The following GRIA1 variants were observed in gnomAD, a reference collection of about 807,000 sequenced individuals.
GRIA1 encodes the protein glutamate ionotropic receptor AMPA type subunit 1, also known as glutamate receptor 1.
A neutral mutation model predicts 99.2 loss-of-function variants in GRIA1; 31 were observed. That is an observed-to-expected ratio of 0.31 (90% CI 0.23 to 0.42). The LOEUF (loss-of-function observed/expected upper bound fraction) is 0.42, where lower values mean the gene tolerates loss of function less well. Ranked by LOEUF, GRIA1 falls within the 10% of genes least tolerant of loss-of-function variation. GRIA1 has a pLI of 1.00. For missense variants in GRIA1, 782 were observed against 1,157.5 expected, an observed-to-expected ratio of 0.68 and a Z score of 4.71; for synonymous variants, 438 against 432.4, an observed-to-expected ratio of 1.01 and a Z score of -0.16.
At chr5:153,600,259 G>T (rs951547284) in intron 2 of GRIA1, among the ~76,000 whole-genome samples, 3 of 151,902 alleles carry the variant, frequency 2.0e-5, no homozygotes, top group Admixed American at 6.6e-5. Flanking sequence ...GGGCGTGGTG[G>T]CGGGCGCCTG....
chr5:153,779,723 A>C (rs1163320310), intron 13 of GRIA1, among the ~76,000 whole-genome samples: 5 of 151,994 alleles, frequency 3.3e-5, no homozygotes, highest in African/African-American at 9.7e-5. Context: ...CTACCACACC[A>C]AGCTAATTTT....
chr5:153,803,017 G>A (rs760284382), intron 15 of GRIA1, among the ~76,000 whole-genome samples: 3 of 152,136 alleles, frequency 2.0e-5, no homozygotes, highest in African/African-American at 7.2e-5. Flanking sequence ...TGTAGCTAAC[G>A]GGAACTGGAG....
At chr5:153,698,767 C>G (rs1456965102) in intron 9 of GRIA1, 100 bp from the exon 10 acceptor site, 3 of 761,586 alleles carry the variant, frequency 3.9e-6, no homozygotes, top group African/African-American at 3.4e-5. Flanking sequence ...AGAGCCTTCC[C>G]CAGTGTTAAC....
intron 2 of GRIA1, among the ~76,000 whole-genome samples, chr5:153,552,644 A>T (rs377088202): frequency 2.6e-5 from 4 of 152,104 alleles, no homozygotes; most frequent in African/African-American, 9.6e-5. Flanking sequence ...AGATCAGTTC[A>T]TCTAAGAACC....
intron 7 of GRIA1, among the ~76,000 whole-genome samples, chr5:153,685,091 A>C (rs1486502016): frequency 6.6e-6 from 1 of 152,222 alleles, no homozygotes; most frequent in African/African-American, 2.4e-5. Context: ...GCTTCCTTTT[A>C]AGCCATTTGA....
At chr5:153,539,993 G>A (rs1758916925) in intron 2 of GRIA1, among the ~76,000 whole-genome samples, 1 of 152,218 alleles carries the variant, frequency 6.6e-6, no homozygotes, top group African/African-American at 2.4e-5. Flanking sequence ...TACAAATACA[G>A]TGTTGGGTTG....
At chr5:153,617,235 T>C (rs533163143) in intron 2 of GRIA1, among the ~76,000 whole-genome samples, 1 of 152,206 alleles carries the variant, frequency 6.6e-6, no homozygotes, top group Non-Finnish European at 1.5e-5. Context: ...GTTCGTGATA[T>C]CATGCTACGC....
chr5:153,738,720 C>CTTTTTTTTTTTTTTTT lies in GRIA1; in HGVS notation c.1824-25711_1824-25696dup, dbSNP rs55874747. Among the ~76,000 whole-genome samples the CTTTTTTTTTTTTTTTT allele has an allele frequency of 1.6e-3, 162 of 102,328 alleles. 8 individuals are homozygous for CTTTTTTTTTTTTTTTT. The highest frequency in any genetic ancestry group is 2.6e-3 in the African/African-American group (65 of 24,720). The allele number at this position is 102,328 out of a possible 152,430, so 67.1% of individuals were successfully genotyped here. ...TGTTGCGTGTTCATCTCCATACCTT[C>CTTTTTTTTTTTTTTTT]TTTTTTTTTTTTTTTTTTGGAGAAG... On this transcript the variant is annotated intron_variant, in intron 11 of 15. Transcript: ENST00000285900.
chr5:153,785,440 T>A (rs780745576), intron 13 of GRIA1, among the ~76,000 whole-genome samples: 2 of 152,050 alleles, frequency 1.3e-5, no homozygotes, highest in Admixed American at 6.6e-5. Context: ...AATGGTAAAG[T>A]GTGGACACTT....
At chr5:153,563,140 C>T (rs1371744536) in intron 2 of GRIA1, among the ~76,000 whole-genome samples, 1 of 150,622 alleles carries the variant, frequency 6.6e-6, no homozygotes, top group African/African-American at 2.4e-5. Flanking sequence ...TGTGCCACTG[C>T]ACCCCAGATT....
chr5:153,585,299 C>CTTTTTTT (rs10586598), intron 2 of GRIA1, among the ~76,000 whole-genome samples: 1 of 70,100 alleles, frequency 1.4e-5, no homozygotes, highest in African/African-American at 6.3e-5. Flanking sequence ...TTCTCTCTCT[C>CTTTTTTT]TTTTTTTTTT....
chr5:153,499,475 C>T (rs1326972586), intron 2 of GRIA1, among the ~76,000 whole-genome samples: 2 of 151,712 alleles, frequency 1.3e-5, no homozygotes, highest in East Asian at 1.9e-4. Flanking sequence ...CTTAGCTGGG[C>T]GTGGTGGCAC....
At position 153,580,721 on chromosome 5, in the gene GRIA1, A is replaced by C. The variant is rs537026858; in HGVS notation, c.221-66207A>C. ...TGCCAGTTTCTGGGGGGTCAGCTGC[A>C]GAGAAGCTAGTTCAGGCTGCAACAT... On this transcript the variant is annotated intron_variant, in intron 2 of 15. Transcript: ENST00000285900. Among the ~76,000 whole-genome samples the C allele has an allele frequency of 4.6e-5, 7 of 152,316 alleles. 1 individual carries two copies. In the South Asian group the frequency reaches 1.5e-3, roughly 32 times the overall value.
intron 8 of GRIA1, among the ~76,000 whole-genome samples, chr5:153,691,527 A>C (rs1757754192): frequency 6.6e-6 from 1 of 152,160 alleles, no homozygotes. Flanking sequence ...GAATGAAAAG[A>C]CTGGGCAGGA....
intron 2 of GRIA1, among the ~76,000 whole-genome samples, chr5:153,633,177 A>T (rs983869855): frequency 2.4e-4 from 36 of 152,012 alleles, no homozygotes; most frequent in African/African-American, 8.7e-4. Flanking sequence ...AAACTAGTAC[A>T]TTTGCTTCAT....
At chr5:153,541,413 A>G (rs1449185788) in intron 2 of GRIA1, among the ~76,000 whole-genome samples, 3 of 152,218 alleles carry the variant, frequency 2.0e-5, no homozygotes, top group African/African-American at 7.2e-5. Context: ...TAGGAGCTTC[A>G]TATATCCCAT....
intron 2 of GRIA1, among the ~76,000 whole-genome samples, chr5:153,556,099 G>T (rs545336647): frequency 2.0e-5 from 3 of 152,202 alleles, no homozygotes; most frequent in African/African-American, 7.2e-5. Flanking sequence ...GATTAAAGCT[G>T]TTAATCTATC....
intron 5 of GRIA1, among the ~76,000 whole-genome samples, chr5:153,667,520 TG>T (rs551408927): frequency 2.9e-4 from 44 of 152,334 alleles, no homozygotes; most frequent in Non-Finnish European, 5.1e-4. Flanking sequence ...ATAATGATAA[TG>T]GTGAATGTGA....
chr5:153,729,672 T>C (rs1760868502), intron 11 of GRIA1, among the ~76,000 whole-genome samples: 2 of 152,074 alleles, frequency 1.3e-5, no homozygotes, highest in South Asian at 4.1e-4. Flanking sequence ...TATACTGAAA[T>C]GATAGGGCTT....
Sources: allele counts gnomAD v4.1 joint callset (sites outside exome capture counted in the v4.1 genomes callset), GRCh38; gene constraint gnomAD v4.1.1; transcripts MANE v1.5; gene names NCBI Gene and HGNC (gene_info 2026-07-23, HGNC 2026-07-21).